The following PROM2 variants were observed in gnomAD, a reference collection of about 807,000 sequenced individuals.
PROM2 encodes prominin 2.
PROM2 carries 90 observed loss-of-function variants against 110.2 expected under a neutral mutation model. The observed-to-expected ratio is 0.82, with a 90% CI of 0.69 to 0.97. PROM2 has a LOEUF of 0.97. PROM2 is among the 50% of genes least tolerant of loss of function. The pLI is 0.00. For missense variants in PROM2, 1,009 were observed against 1,074.8 expected (o/e 0.94, Z 0.86); for synonymous variants, 470 against 467.8 (o/e 1.00, Z -0.06).
chr2:95,278,595 C>T, intron 8 of PROM2, 126 bp from the exon 9 acceptor site: 1 of 1,107,016 alleles, frequency 9.0e-7, no homozygotes, highest in Non-Finnish European at 1.4e-6. Flanking sequence ...GGGCAGCGAC[C>T]AAGAGAAAAG....
intron 9 of PROM2, 65 bp downstream of exon 9, chr2:95,278,849 G>T (rs1573449484): frequency 6.2e-7 from 1 of 1,610,556 alleles, no homozygotes; most frequent in East Asian, 2.2e-5. Context: ...TACCAGGGAG[G>T]CTTGTTGAGA....
chr2:95,279,876 G>A lies in PROM2; in HGVS notation c.1306G>A (p.Val436Ile). The change falls in exon 11 of 24, where the codon GTC (valine) becomes ATC (isoleucine). Residue 436 changes from valine (V) to isoleucine (I), a missense_variant. By Grantham distance (29) the Val-to-Ile change is conservative. Transcript: ENST00000317620. The part of the protein sequence containing the change: ...WIVGCVLCSV[V>I]LFVVLCNLLG... ...CGTGGGCTGCGTGCTGTGCTCCGTG[G>A]TCCTATTCGTGGTGCTCTGCAACCT... is the stretch of plus-strand genomic sequence containing the variant. The A allele has an allele frequency of 5.8e-6, 9 of 1,541,702 alleles. No homozygotes were observed. The highest frequency in any genetic ancestry group is 7.9e-6 in the Non-Finnish European group (9 of 1,141,250).
chr2:95,277,521 C>T lies in PROM2; in HGVS notation c.930C>T (p.Ala310=), dbSNP rs147864065. 2.5e-6 allele frequency: 4 copies of T among 1,607,750 alleles called. No homozygotes were observed. The African/African-American group carries it at 5.3e-5, about 21-fold the overall frequency. Residue 310 remains alanine (A), a synonymous_variant, in exon 7 of 24, where the codon GCC becomes GCT. Coordinates refer to ENST00000317620, the MANE Select transcript of PROM2 (RefSeq NM_001165978.3). ...GGTGCCAGGGAGATTGTGCAGGGGC[C>T]CTGAGCTGGGCCCGCACCCTGGAGC... ...EARCQGDCAG[A]LSWARTLELG... is the part of the protein sequence containing the mutation.
At position 95,286,495 on chromosome 2, in the gene PROM2, G is replaced by A. The variant is rs1157965659; in HGVS notation, c.1964G>A (p.Gly655Glu). ...LAQAQDNSVL[G>E]QRLQEEAQGL... Reference sequence around the variant, plus strand: ...TCCTTTCAGGACAATTCTGTGCTGGGGCAGCGGCTGCAGGAGGAGGCCCAA... The same window carrying A: ...TCCTTTCAGGACAATTCTGTGCTGGAGCAGCGGCTGCAGGAGGAGGCCCAA... The change falls in exon 17 of 24, where the codon GGG (glycine) becomes GAG (glutamate). Residue 655 changes from glycine to glutamate, a missense_variant. Transcript: ENST00000317620. 2 of 1,613,802 alleles carry A rather than the reference G, an allele frequency of 1.2e-6. No homozygotes were observed. The highest frequency in any genetic ancestry group is 1.7e-6 in the Non-Finnish European group (2 of 1,179,988).
intron 17 of PROM2, 72 bp downstream of exon 17, chr2:95,286,643 G>C: frequency 1.4e-6 from 2 of 1,414,164 alleles, no homozygotes; most frequent in South Asian, 1.2e-5. Flanking sequence ...TGAAAGGGGA[G>C]GGAAGTTCTG....
In PROM2 at chr2:95,282,124, C is replaced by T. The variant is rs1677085358; in HGVS notation, c.1644-18C>T. On this transcript the variant is annotated intron_variant, in intron 13 of 23. Coordinates refer to ENST00000317620, the MANE Select transcript of PROM2 (RefSeq NM_001165978.3). ...CCACCCCCAAGGCTCATCGTCTGCA[C>T]CCCTCACTCCTCCTCAGGCAGTGCA... 2 of 1,612,506 alleles carry T rather than the reference C, an allele frequency of 1.2e-6. No homozygotes were observed. Among genetic ancestry groups the T allele is most frequent in the South Asian group, 1.1e-5 (1 of 91,022 alleles).
intron 11 of PROM2, 31 bp from the exon 12 acceptor site, chr2:95,281,211 G>C (rs762290664): frequency 6.2e-7 from 1 of 1,607,386 alleles, no homozygotes; most frequent in Non-Finnish European, 8.5e-7. Context: ...AGTCCCTGCT[G>C]TCCCTCAGTC....
At position 95,275,138 on chromosome 2, in the gene PROM2, G is replaced by T; in HGVS notation, c.244+309G>T. The T allele has an allele frequency of 2.1e-6, 1 of 473,406 alleles. No individual in the cohort carries two copies. Among genetic ancestry groups the T allele is most frequent in the East Asian group, 3.4e-5 (1 of 29,776 alleles). The allele number at this position is 473,406 out of a possible 1,614,324, so 29.3% of individuals were successfully genotyped here. On this transcript the variant is annotated intron_variant, in intron 1 of 23. Transcript: ENST00000317620. The surrounding 1 kb of genome is among the most constrained non-coding windows in gnomAD (Gnocchi z 4.4). ...GTTGGGTGGTCCAGGAGTGTCTGAA[G>T]GACCCTCCCAGTCCTGTCCCTTGCT...
rs1256250766 is a variant in PROM2, at chr2:95,275,192, C to A, written c.245-269C>A. Among the ~76,000 whole-genome samples, 1 of 152,230 alleles carries A rather than the reference C, an allele frequency of 6.6e-6. No individual in the cohort carries two copies. The highest frequency in any genetic ancestry group is 2.4e-5 in the African/African-American group (1 of 41,466). On this transcript the variant is annotated intron_variant, in intron 1 of 23. Coordinates refer to ENST00000317620, the MANE Select transcript of PROM2 (RefSeq NM_001165978.3). The surrounding 1 kb of genome is among the most constrained non-coding windows in gnomAD (Gnocchi z 4.4). ...TGAGGGGAAGAACTGCCAGGCCAGA[C>A]CCCTTCTCTGCCTTTGCCCAGGCTC...
At chr2:95,274,984 C>A in intron 1 of PROM2, 155 bp downstream of exon 1, 1 of 959,348 alleles carries the variant, frequency 1.0e-6, no homozygotes, top group Non-Finnish European at 1.5e-6. Flanking sequence ...GCTCCAGAAC[C>A]TGCTGTGTGA....
chr2:95,288,546 GTCAA>G lies in PROM2; in HGVS notation c.2399_2402del (p.Val800GlyfsTer32). On this transcript the variant is annotated frameshift_variant, in exon 22 of 24. Coordinates refer to ENST00000317620, the MANE Select transcript of PROM2 (RefSeq NM_001165978.3). LOFTEE classifies it high-confidence loss of function. ...CCTGATCCCCAGCATCATCTTTGCCGTCAAGACCTCCAAATACTTCCGTCCTATC... is the reference window on the plus strand; with the variant it reads ...CCTGATCCCCAGCATCATCTTTGCCGGACCTCCAAATACTTCCGTCCTATC... 1 of 1,614,196 alleles carries G rather than the reference GTCAA, an allele frequency of 6.2e-7. No individual in the cohort carries two copies. The highest frequency in any genetic ancestry group is 8.5e-7 in the Non-Finnish European group (1 of 1,180,024).
At chr2:95,286,433 T>C (rs2104140924) in intron 16 of PROM2, 46 bp from the exon 17 acceptor site, 1 of 1,542,950 alleles carries the variant, frequency 6.5e-7, no homozygotes, top group South Asian at 1.1e-5. Context: ...GGGTGACGGG[T>C]AGATGGGTCC....
rs556498138 is a variant in PROM2 at position 95,276,137 on chromosome 2, G to A, written c.497+5G>A. The A allele has an allele frequency of 1.9e-6, 3 of 1,611,972 alleles. No homozygotes were observed. The Admixed American group carries it at 5.0e-5, about 27-fold the overall frequency. ...GCTGACCACCCTCTTGCTGCTGTAA[G>A]GCGCTGCCCAGGGCCCGGGTAGGGC... On this transcript the variant is annotated splice_donor_5th_base_variant and intron_variant, in intron 3 of 23. Transcript: ENST00000317620. The surrounding 1 kb of genome is among the most constrained non-coding windows in gnomAD (Gnocchi z 4.6).
chr2:95,281,674 C>G lies in PROM2; in HGVS notation c.1552-251C>G, dbSNP rs1390006414. The stretch of plus-strand genomic sequence containing the variant: ...TGGGACCCTGGTGCCCGGTGAGCTG[C>G]GATGCTGGACTGGGTTCTCTGCAGA... On this transcript the variant is annotated intron_variant, in intron 12 of 23. Transcript: ENST00000317620. Among the ~76,000 whole-genome samples the G allele has an allele frequency of 1.6e-4, 25 of 152,250 alleles. 1 individual carries two copies. Among genetic ancestry groups the G allele is most frequent in the African/African-American group, 5.8e-4 (24 of 41,552 alleles).
chr2:95,280,031 T>C (rs769921038), intron 11 of PROM2, 34 bp downstream of exon 11: 16 of 1,376,020 alleles, frequency 1.2e-5, no homozygotes, highest in Admixed American at 2.9e-5. Flanking sequence ...AAGGGTCCCC[T>C]CTTATAGGGC....
intron 11 of PROM2, among the ~76,000 whole-genome samples, chr2:95,280,918 C>T (rs898035988): frequency 6.6e-5 from 10 of 152,194 alleles, no homozygotes; most frequent in African/African-American, 2.2e-4. Context: ...ACCTCAACCT[C>T]CCAAAGTGCT....
chr2:95,283,055 C>T (rs192620969), intron 14 of PROM2, among the ~76,000 whole-genome samples: 1 of 152,236 alleles, frequency 6.6e-6, no homozygotes, highest in African/African-American at 2.4e-5. Context: ...CAACTCTGTA[C>T]CTTGAACTGC....
At chr2:95,279,206 C>T (rs1368208226) in intron 10 of PROM2, 62 bp downstream of exon 10, 2 of 1,282,994 alleles carry the variant, frequency 1.6e-6, no homozygotes, top group Non-Finnish European at 2.1e-6. Flanking sequence ...CTCTATGCCA[C>T]CCTGACACCC....
At chr2:95,282,257 CCCT>C in intron 14 of PROM2, 31 bp downstream of exon 14, 1 of 1,522,284 alleles carries the variant, frequency 6.6e-7, no homozygotes, top group Non-Finnish European at 9.1e-7. Context: ...CTGTGAGGAG[CCCT>C]CCTCAGATCC....
Sources: gnomAD v4.1 joint callset for allele counts (sites outside exome capture counted in the v4.1 genomes callset) on GRCh38, gnomAD v4.1.1 for gene constraint, Gnocchi (gnomAD v3.1) non-coding constraint, MANE v1.5 for transcripts, NCBI Gene and HGNC (gene_info 2026-07-23, HGNC 2026-07-21) for gene names.